RLN2: variants seen among roughly 807,000 people sequenced by gnomAD.
RLN2 encodes the protein prorelaxin H2.
Under a neutral mutation model 7.3 loss-of-function variants are expected in RLN2, and 10 were observed. The observed-to-expected ratio is 1.36, with a 90% CI of 0.84 to 2.31. The LOEUF (loss-of-function observed/expected upper bound fraction) is 2.31. RLN2 is among the 30% of genes most tolerant of loss of function. The pLI, the probability that RLN2 is intolerant of heterozygous loss-of-function variation, is 0.00. For missense variants in RLN2, 298 were observed against 217.6 expected, an observed-to-expected ratio of 1.37 and a Z score of -2.32; for synonymous variants, 103 against 82.3, an observed-to-expected ratio of 1.25 and a Z score of -1.36.
chr9:5,331,717 AATG>A, the RLN2 span, among the ~76,000 whole-genome samples: 2 of 151,984 alleles, frequency 1.3e-5, no homozygotes, highest in Admixed American at 1.3e-4. Context: ...ACCTAATACA[AATG>A]ATGAGTTGAT....
chr9:5,319,194 G>C, the RLN2 span, among the ~76,000 whole-genome samples: 2 of 151,852 alleles, frequency 1.3e-5, no homozygotes, highest in African/African-American at 4.8e-5. Context: ...AAGTTTCAAA[G>C]GCAAAATGAT....
chr9:5,329,381 G>C, the RLN2 span, among the ~76,000 whole-genome samples: 6 of 147,750 alleles, frequency 4.1e-5, no homozygotes, highest in African/African-American at 1.5e-4. Flanking sequence ...ACATCATAAT[G>C]ATGGGATCAA....
the RLN2 span, among the ~76,000 whole-genome samples, chr9:5,334,205 G>A: frequency 2.0e-5 from 3 of 151,928 alleles, no homozygotes; most frequent in Non-Finnish European, 4.4e-5. Context: ...AAGGGTATTC[G>A]AATAGGAAGA....
At chr9:5,318,590 A>G in the RLN2 span, among the ~76,000 whole-genome samples, 3 of 152,038 alleles carry the variant, frequency 2.0e-5, no homozygotes, top group East Asian at 5.8e-4. Flanking sequence ...AGCAACAGAT[A>G]TGGACCTTCT....
the RLN2 span, among the ~76,000 whole-genome samples, chr9:5,338,054 C>T: frequency 9.4e-5 from 14 of 149,188 alleles, no homozygotes; most frequent in African/African-American, 3.0e-4. Flanking sequence ...CAAATGTTAA[C>T]ATTTCTTTCC....
At chr9:5,319,441 G>A in the RLN2 span, among the ~76,000 whole-genome samples, 1 of 151,966 alleles carries the variant, frequency 6.6e-6, no homozygotes, top group African/African-American at 2.4e-5. Flanking sequence ...GATTTTTTAT[G>A]AGAAGTTTTT....
the RLN2 span, among the ~76,000 whole-genome samples, chr9:5,320,242 T>C: frequency 6.6e-6 from 1 of 151,714 alleles, no homozygotes; most frequent in African/African-American, 2.4e-5. Flanking sequence ...CTCCTCGGCC[T>C]CCCAATGTGC....
Position 5,300,377 on chromosome 9 carries a change from A to C in RLN2, c.279T>G (p.Asn93Lys). The change falls in exon 2 of 2, where the codon AAT (asparagine) becomes AAG (lysine). Residue 93 changes from asparagine to lysine, a missense_variant. Asn to Lys is a moderately conservative substitution (Grantham distance 94). Transcript: ENST00000381627. ...TINMMSEFVA[N>K]LPQELKLTLS... is the part of the protein sequence containing the mutation. Reference sequence around the variant, plus strand: ...GGGTTAACTTCAGCTCCTGTGGCAAATTAGCAACAAATTCTGACATCATAT... The same window carrying C: ...GGGTTAACTTCAGCTCCTGTGGCAACTTAGCAACAAATTCTGACATCATAT... 6.2e-7 allele frequency: 1 copy of C among 1,613,650 alleles called. No homozygotes were observed. The highest frequency in any genetic ancestry group is 2.2e-5 in the East Asian group (1 of 44,872).
the RLN2 span, among the ~76,000 whole-genome samples, chr9:5,318,549 G>T: frequency 2.0e-5 from 3 of 151,924 alleles, no homozygotes; most frequent in South Asian, 4.2e-4. Context: ...CTATAATTTA[G>T]TAAGGTCTCT....
At chr9:5,316,592 C>A in the RLN2 span, among the ~76,000 whole-genome samples, 1 of 151,996 alleles carries the variant, frequency 6.6e-6, no homozygotes, top group Non-Finnish European at 1.5e-5. Context: ...TGGTTTCCAA[C>A]TTCATCCATA....
At chr9:5,334,868 T>C in the RLN2 span, 1 of 159,672 alleles carries the variant, frequency 6.3e-6, no homozygotes. Context: ...TCAAGTTGTA[T>C]GGCTTTATGT....
upstream of RLN2, among the ~76,000 whole-genome samples, chr9:5,307,223 A>G (rs1455890594): frequency 6.6e-6 from 1 of 151,880 alleles, no homozygotes; most frequent in African/African-American, 2.4e-5. Flanking sequence ...ATCCTGAGAT[A>G]GATAGATGAT....
At chr9:5,330,204 G>C in the RLN2 span, among the ~76,000 whole-genome samples, 1 of 151,978 alleles carries the variant, frequency 6.6e-6, no homozygotes, top group African/African-American at 2.4e-5. Flanking sequence ...GAAGTTCTTT[G>C]AAACCAATGA....
intron 1 of RLN2, among the ~76,000 whole-genome samples, 161 bp from the exon 2 acceptor site, chr9:5,300,605 A>T (rs551340098): frequency 2.3e-4 from 35 of 152,340 alleles, no homozygotes; most frequent in African/African-American, 7.2e-4. Context: ...CACTTAGCTT[A>T]CTTACAGTTG....
At chr9:5,305,310 C>T (rs1816222237), upstream of RLN2, among the ~76,000 whole-genome samples, 1 of 146,558 alleles carries the variant, frequency 6.8e-6, no homozygotes, top group African/African-American at 2.5e-5. Context: ...GTTATCTGAA[C>T]ATTTTAATTT....
At chr9:5,322,759 A>G in the RLN2 span, among the ~76,000 whole-genome samples, 1 of 152,006 alleles carries the variant, frequency 6.6e-6, no homozygotes, top group Non-Finnish European at 1.5e-5. Context: ...ATTTTACATC[A>G]TAAAGCTTTG....
At chr9:5,326,649 G>C in the RLN2 span, among the ~76,000 whole-genome samples, 2 of 152,036 alleles carry the variant, frequency 1.3e-5, no homozygotes, top group African/African-American at 4.8e-5. Flanking sequence ...GTCTCCACCT[G>C]ATTTATGTCA....
chr9:5,337,232 A>G, the RLN2 span, among the ~76,000 whole-genome samples: 1 of 152,084 alleles, frequency 6.6e-6, no homozygotes, highest in Admixed American at 6.5e-5. Context: ...TAAATGCTGA[A>G]AAAAGCTGAT....
the RLN2 span, among the ~76,000 whole-genome samples, chr9:5,326,232 G>A: frequency 0.036 from 5,527 of 152,050 alleles, 387 homozygotes; most frequent in African/African-American, 0.12. Flanking sequence ...CCATTATTTT[G>A]TTTGAGTAGT....
Sources: allele counts gnomAD v4.1 joint callset (sites outside exome capture counted in the v4.1 genomes callset), GRCh38; gene constraint gnomAD v4.1.1; transcripts MANE v1.5; gene names NCBI Gene and HGNC (gene_info 2026-07-23, HGNC 2026-07-21).